The following IMMP2L variants were observed in gnomAD, a reference collection of about 807,000 sequenced individuals.
The protein encoded by IMMP2L is mitochondrial inner membrane protease subunit 2.
IMMP2L carries 18 observed loss-of-function variants against 19.3 expected under a neutral mutation model. The observed-to-expected ratio is 0.93, with a 90% confidence interval of 0.64 to 1.38. IMMP2L has a LOEUF of 1.38. IMMP2L is among the 40% of genes most tolerant of loss of function. The pLI is 0.00. For missense variants in IMMP2L, 233 were observed against 218.2 expected, an observed-to-expected ratio of 1.07 and a Z score of -0.43; for synonymous variants, 76 against 73.0, an observed-to-expected ratio of 1.04 and a Z score of -0.21.
intron 1 of IMMP2L, among the ~76,000 whole-genome samples, chr7:111,529,041 C>A (rs958015451): frequency 6.6e-6 from 1 of 152,148 alleles, no homozygotes; most frequent in Non-Finnish European, 1.5e-5. Flanking sequence ...CCTTTCTCCA[C>A]GTAGAGTTTG....
At chr7:110,970,954 G>C (rs1176213836) in intron 3 of IMMP2L, among the ~76,000 whole-genome samples, 1 of 152,066 alleles carries the variant, frequency 6.6e-6, no homozygotes, top group East Asian at 1.9e-4. Context: ...TTTTTGGTAG[G>C]TTTGAAGGAT....
At chr7:111,392,815 T>C (rs190903490) in intron 3 of IMMP2L, 1 of 456,560 alleles carries the variant, frequency 2.2e-6, no homozygotes, top group East Asian at 7.0e-5. Context: ...TACTGGTGCA[T>C]TAAAAGTACC....
At chr7:110,712,616 C>G (rs1299247294) in intron 5 of IMMP2L, among the ~76,000 whole-genome samples, 1 of 31,448 alleles carries the variant, frequency 3.2e-5, no homozygotes, top group Admixed American at 2.6e-4. Flanking sequence ...AGCCTCGTTG[C>G]CGCCTTGCAG....
At chr7:111,083,533 C>A (rs1796059449) in intron 3 of IMMP2L, among the ~76,000 whole-genome samples, 1 of 152,132 alleles carries the variant, frequency 6.6e-6, no homozygotes, top group Non-Finnish European at 1.5e-5. Flanking sequence ...GAACGAGGGC[C>A]TCAAAAGATC....
chr7:110,728,881 G>T lies in IMMP2L; in HGVS notation c.409-65160C>A, dbSNP rs1796069716. Reference sequence around the variant, plus strand: ...AATACAAATAGTATATGGTAGAAGTGGGATAAACAGTTGTATTAGTCTGTT... The same window carrying T: ...AATACAAATAGTATATGGTAGAAGTTGGATAAACAGTTGTATTAGTCTGTT... On this transcript the variant is annotated intron_variant, in intron 5 of 5. Transcript: ENST00000405709. This position sits in a 1 kb window ranked among gnomAD's most constrained non-coding sequence, Gnocchi z 4.6. Among the ~76,000 whole-genome samples the T allele has an allele frequency of 1.3e-5, 2 of 152,082 alleles. No homozygotes were observed. Among genetic ancestry groups the T allele is most frequent in the Admixed American group, 1.3e-4 (2 of 15,256 alleles).
At chr7:110,791,534 T>G (rs978748390) in intron 5 of IMMP2L, among the ~76,000 whole-genome samples, 1 of 151,812 alleles carries the variant, frequency 6.6e-6, no homozygotes, top group Non-Finnish European at 1.5e-5. Flanking sequence ...ATCCTACCCA[T>G]TTTTGAGATT....
chr7:111,334,297 T>A (rs1296487471), intron 3 of IMMP2L, among the ~76,000 whole-genome samples: 4 of 152,016 alleles, frequency 2.6e-5, no homozygotes, highest in African/African-American at 9.7e-5. Flanking sequence ...AGCTCCCACA[T>A]GAATGTGAAC....
At chr7:110,937,468 G>A (rs1328280643) in intron 4 of IMMP2L, among the ~76,000 whole-genome samples, 2 of 152,082 alleles carry the variant, frequency 1.3e-5, no homozygotes, top group Non-Finnish European at 1.5e-5. Context: ...GGCAGTTTCC[G>A]GGTACTCCAA....
chr7:111,562,139 G>C lies in IMMP2L; in HGVS notation c.-291C>G. The C allele has an allele frequency of 6.5e-6, 1 of 152,712 alleles. No homozygotes were observed. The highest frequency in any genetic ancestry group is 1.5e-5 in the Non-Finnish European group (1 of 68,510). The allele number at this position is 152,712 out of a possible 1,614,324, so 9.5% of individuals were successfully genotyped here. A position where few individuals can be genotyped will look rare whatever the true frequency, so the allele number is the denominator to read the frequency against. On this transcript the variant is annotated 5_prime_UTR_variant, in exon 1 of 6. Transcript: ENST00000405709. The stretch of plus-strand genomic sequence containing the variant: ...CGGCTCGGCGGGGAGGAGCGGGCCA[G>C]CTCCGGGCCAGGTGTGCCGCCTGTG...
intron 2 of IMMP2L, among the ~76,000 whole-genome samples, chr7:111,503,256 C>G (rs1304247259): frequency 1.3e-5 from 2 of 152,090 alleles, no homozygotes; most frequent in Non-Finnish European, 2.9e-5. Flanking sequence ...TACACCCTCC[C>G]AAGACTAAAC....
intron 3 of IMMP2L, among the ~76,000 whole-genome samples, chr7:111,297,814 G>A (rs1378276786): frequency 6.6e-6 from 1 of 152,034 alleles, no homozygotes; most frequent in Non-Finnish European, 1.5e-5. Flanking sequence ...CTCAAAAAGT[G>A]TATACTGTAT....
intron 5 of IMMP2L, among the ~76,000 whole-genome samples, chr7:110,771,904 C>T (rs1562965913): frequency 6.6e-6 from 1 of 152,140 alleles, no homozygotes; most frequent in Non-Finnish European, 1.5e-5. Context: ...ATGTACCCAG[C>T]ACTTGGTTAC....
chr7:111,530,105 G>A (rs1472219724), intron 1 of IMMP2L, among the ~76,000 whole-genome samples: 1 of 152,140 alleles, frequency 6.6e-6, no homozygotes, highest in African/African-American at 2.4e-5. Context: ...TTGAATCCAA[G>A]ACCTCAGTTC....
chr7:111,501,925 A>C (rs1455541589), intron 2 of IMMP2L, among the ~76,000 whole-genome samples: 1 of 152,200 alleles, frequency 6.6e-6, no homozygotes, highest in Non-Finnish European at 1.5e-5. Flanking sequence ...TAATGAGCAA[A>C]ATAACCAGCT....
At chr7:111,220,666 T>C (rs1812415409) in intron 3 of IMMP2L, among the ~76,000 whole-genome samples, 1 of 151,722 alleles carries the variant, frequency 6.6e-6, no homozygotes, top group African/African-American at 2.4e-5. Context: ...CTGATAGATA[T>C]ACACACACAT....
intron 3 of IMMP2L, among the ~76,000 whole-genome samples, chr7:111,011,670 A>G (rs1585736644): frequency 1.3e-5 from 2 of 152,162 alleles, no homozygotes; most frequent in East Asian, 3.9e-4. Flanking sequence ...TTCTGAAACC[A>G]TGCTGCACTG....
At chr7:111,280,780 G>A (rs535763572) in intron 3 of IMMP2L, among the ~76,000 whole-genome samples, 16 of 152,148 alleles carry the variant, frequency 1.1e-4, no homozygotes, top group Admixed American at 9.8e-4. Flanking sequence ...AAAGAAAGGA[G>A]TGAAATTGGC....
rs558084199 is a variant in IMMP2L, at chr7:111,503,705, A to G, written c.136-16364T>C. Among the ~76,000 whole-genome samples the G allele has an allele frequency of 1.3e-3, 197 of 152,250 alleles. 1 individual carries two copies. Among genetic ancestry groups the G allele is most frequent in the Admixed American group, 3.5e-3 (53 of 15,284 alleles). On this transcript the variant is annotated intron_variant, in intron 2 of 5. Coordinates refer to ENST00000405709, the MANE Select transcript of IMMP2L (RefSeq NM_032549.4). ...AAATGTAATCCAGCATATAAACAGAACCAAAGACAAAAACCACATGATTAT... is the reference window on the plus strand; with the variant it reads ...AAATGTAATCCAGCATATAAACAGAGCCAAAGACAAAAACCACATGATTAT...
At chr7:111,009,566 T>C (rs1034574135) in intron 3 of IMMP2L, among the ~76,000 whole-genome samples, 1 of 152,098 alleles carries the variant, frequency 6.6e-6, no homozygotes, top group African/African-American at 2.4e-5. Flanking sequence ...AGTTGAAATA[T>C]TCCCATTTTA....
Sources: gnomAD v4.1 joint callset for allele counts (sites outside exome capture counted in the v4.1 genomes callset) on GRCh38, gnomAD v4.1.1 for gene constraint, Gnocchi (gnomAD v3.1) non-coding constraint, MANE v1.5 for transcripts, NCBI Gene and HGNC (gene_info 2026-07-23, HGNC 2026-07-21) for gene names.